Variants in TCF7 observed in about 807,000 individuals in gnomAD.
TCF7 encodes the protein transcription factor 7, also known as T-cell-factor-7.
TCF7 carries 19 observed loss-of-function variants against 46.8 expected under a neutral mutation model. That is an observed-to-expected ratio of 0.41 (90% CI 0.28 to 0.60). The LOEUF is 0.60. Ranked by LOEUF, TCF7 falls within the 20% of genes least tolerant of loss-of-function variation. The probability of loss-of-function intolerance (pLI) is 0.35; values close to 1 mark genes in which losing one functional copy is unlikely to be tolerated. For missense variants in TCF7, 547 were observed against 504.6 expected (o/e 1.08, Z -0.81); for synonymous variants, 245 against 213.4 (o/e 1.15, Z -1.29).
At chr5:134,128,006 A>G (rs17167281) in intron 3 of TCF7, among the ~76,000 whole-genome samples, 22,973 of 152,242 alleles carry the variant, frequency 0.15, 2,727 homozygotes, top group African/African-American at 0.32. Flanking sequence ...ATGTTTTACA[A>G]TGGAGACCCC....
At chr5:134,128,540 T>A (rs974792904) in intron 3 of TCF7, among the ~76,000 whole-genome samples, 2 of 151,794 alleles carry the variant, frequency 1.3e-5, no homozygotes, top group African/African-American at 4.8e-5. Flanking sequence ...AGGGCAGGAC[T>A]GTCCTCCTAG....
intron 3 of TCF7, among the ~76,000 whole-genome samples, chr5:134,120,317 TCCAGGCTTCACGTAG>T (rs1377336917): frequency 6.6e-6 from 1 of 152,074 alleles, no homozygotes; most frequent in Non-Finnish European, 1.5e-5. Flanking sequence ...TAAATCACAG[TCCAGGCTTCACGTAG>T]CAGCCACAGG....
the TCF7 span, among the ~76,000 whole-genome samples, chr5:134,109,634 G>C: frequency 2.0e-5 from 3 of 152,150 alleles, no homozygotes; most frequent in Non-Finnish European, 2.9e-5. Context: ...GCCGAGCGTG[G>C]TGGCAGGTGC....
rs1209832535 is a variant in TCF7 at position 134,143,123 on chromosome 5, C to T, written c.1026+23C>T. On this transcript the variant is annotated intron_variant, in intron 8 of 9. Coordinates refer to ENST00000342854, the MANE Select transcript of TCF7 (RefSeq NM_003202.5). Reference sequence around the variant, plus strand: ...TACGTGAGTGCCTAGTGACACACAGCAGGGGTGGGCAGGGGACCCTTTGAG... The same window carrying T: ...TACGTGAGTGCCTAGTGACACACAGTAGGGGTGGGCAGGGGACCCTTTGAG... The T allele has an allele frequency of 3.2e-6, 5 of 1,573,526 alleles. No homozygotes were observed. In the Middle Eastern group the frequency reaches 5.9e-4, roughly 185 times the overall value.
intron 3 of TCF7, among the ~76,000 whole-genome samples, chr5:134,121,805 T>C (rs1287120427): frequency 6.6e-6 from 1 of 152,150 alleles, no homozygotes; most frequent in Non-Finnish European, 1.5e-5. Flanking sequence ...CTTGACTATT[T>C]TCCTGAAGCA....
chr5:134,126,812 G>GC (rs1202046692), intron 3 of TCF7, among the ~76,000 whole-genome samples: 2 of 151,804 alleles, frequency 1.3e-5, no homozygotes, highest in Non-Finnish European at 2.9e-5. Flanking sequence ...CAGGAGAATC[G>GC]CATGAACCTG....
At chr5:134,121,213 A>G (rs1353531011) in intron 3 of TCF7, among the ~76,000 whole-genome samples, 2 of 152,080 alleles carry the variant, frequency 1.3e-5, no homozygotes, top group East Asian at 1.9e-4. Context: ...TTGACCTGAA[A>G]GAGACTCCCC....
At chr5:134,137,328 T>C (rs1461641619) in intron 3 of TCF7, among the ~76,000 whole-genome samples, 1 of 147,084 alleles carries the variant, frequency 6.8e-6, no homozygotes, top group Non-Finnish European at 1.5e-5. Flanking sequence ...GGAAGCTGAG[T>C]CAGGAGAATC....
At chr5:134,120,421 A>C (rs1030002631) in intron 3 of TCF7, among the ~76,000 whole-genome samples, 8 of 152,254 alleles carry the variant, frequency 5.3e-5, no homozygotes, top group Non-Finnish European at 7.4e-5. Flanking sequence ...CTTGCAGTGA[A>C]GTCGAAGCCA....
intron 3 of TCF7, among the ~76,000 whole-genome samples, chr5:134,124,669 C>T (rs113721944): frequency 2.6e-5 from 4 of 152,332 alleles, no homozygotes; most frequent in African/African-American, 9.6e-5. Flanking sequence ...TCCTAACCCC[C>T]CCGCCCTGCC....
intron 9 of TCF7, chr5:134,144,466 T>C: frequency 2.9e-6 from 1 of 343,410 alleles, no homozygotes; most frequent in South Asian, 3.4e-5. Flanking sequence ...TGGATCTCCA[T>C]GGTCTTCCTT....
chr5:134,110,956 T>C (rs1411110259), upstream of TCF7, among the ~76,000 whole-genome samples: 2 of 152,210 alleles, frequency 1.3e-5, no homozygotes, highest in African/African-American at 4.8e-5. Flanking sequence ...GAAGAGCCAA[T>C]TAGCCTAACA....
chr5:134,119,274 C>G (rs1231757232), intron 3 of TCF7, among the ~76,000 whole-genome samples: 1 of 152,100 alleles, frequency 6.6e-6, no homozygotes, highest in Admixed American at 6.6e-5. Flanking sequence ...ATGAAATATC[C>G]AGAATAGACA....
chr5:134,142,012 C>T, intron 5 of TCF7, 173 bp from the exon 6 acceptor site: 6 of 829,480 alleles, frequency 7.2e-6, no homozygotes, highest in African/African-American at 1.7e-5. Flanking sequence ...GTGTAGTGTG[C>T]TGGGAGCAGG....
intron 3 of TCF7, among the ~76,000 whole-genome samples, chr5:134,135,396 C>A (rs1229944686): frequency 1.3e-5 from 2 of 152,108 alleles, no homozygotes; most frequent in African/African-American, 2.4e-5. Context: ...AAGCATGGGT[C>A]TAAGGAGGGA....
rs757181314 is a variant in TCF7, at chr5:134,146,329, G to C, written c.*26G>C. 9.9e-5 allele frequency: 160 copies of C among 1,613,346 alleles called. 1 individual carries two copies. Among genetic ancestry groups the C allele is most frequent in the Admixed American group, 3.3e-5 (2 of 59,996 alleles). On this transcript the variant is annotated 3_prime_UTR_variant, in exon 10 of 10. Coordinates refer to ENST00000342854, the MANE Select transcript of TCF7 (RefSeq NM_003202.5). ...GCTGCCCCGGGTCCCCAGCTCCCCA[G>C]GACTCACCCTCATACCATCTGCTGC... is the stretch of plus-strand genomic sequence containing the variant.
At chr5:134,139,863 TCTC>T (rs1759475399) in intron 5 of TCF7, 1 of 152,178 alleles carries the variant, frequency 6.6e-6, no homozygotes, top group Non-Finnish European at 1.5e-5. Flanking sequence ...CGTTCCAGCT[TCTC>T]CTTGGACAAT....
intron 8 of TCF7, 112 bp downstream of exon 8, chr5:134,143,212 G>T: frequency 1.6e-6 from 2 of 1,216,054 alleles, no homozygotes; most frequent in Non-Finnish European, 2.3e-6. Context: ...AGGCACCGAT[G>T]AGGAAGGGCA....
At chr5:134,114,125 G>T (rs1199466408), upstream of TCF7, among the ~76,000 whole-genome samples, 4 of 152,206 alleles carry the variant, frequency 2.6e-5, no homozygotes, top group African/African-American at 9.6e-5. Flanking sequence ...GCGAAGGGGG[G>T]TATACTTATG....
Sources: allele counts gnomAD v4.1 joint callset (sites outside exome capture counted in the v4.1 genomes callset), GRCh38; gene constraint gnomAD v4.1.1; transcripts MANE v1.5; gene names NCBI Gene and HGNC (gene_info 2026-07-23, HGNC 2026-07-21).